Variants in PRIM2 observed in about 807,000 individuals in gnomAD.
PRIM2 encodes the protein DNA primase subunit 2.
A neutral mutation model predicts 67.3 loss-of-function variants in PRIM2; 39 were observed. That is an observed-to-expected ratio of 0.58 (90% CI 0.45 to 0.76). PRIM2 has a LOEUF of 0.76. Among genes scored for constraint, PRIM2 ranks in the 30% least tolerant of loss-of-function variants. The pLI is 0.00. For synonymous variants in PRIM2, 143 were observed against 198.7 expected (o/e 0.72, Z 2.36); for missense variants, 398 against 598.7 (o/e 0.66, Z 3.50).
chr6:57,611,237 T>TTACTGCAAATAC (rs1478586670), intron 12 of PRIM2, among the ~76,000 whole-genome samples: 1 of 152,170 alleles, frequency 6.6e-6, no homozygotes, highest in African/African-American at 2.4e-5. Context: ...ATTGTGGCTT[T>TTACTGCAAATAC]TACTGCAAAT....
intron 12 of PRIM2, among the ~76,000 whole-genome samples, chr6:57,607,418 CT>C (rs1776584387): frequency 6.6e-6 from 1 of 152,020 alleles, no homozygotes; most frequent in South Asian, 2.1e-4. Context: ...CATAGACTGT[CT>C]TGGGTCTTCT....
chr6:57,264,293 T>C, the PRIM2 span, among the ~76,000 whole-genome samples: 1 of 152,218 alleles, frequency 6.6e-6, no homozygotes, highest in East Asian at 1.9e-4. Context: ...TTAGTGTGTA[T>C]TTATAATGAC....
chr6:57,509,180 T>C (rs1774309207), intron 8 of PRIM2, among the ~76,000 whole-genome samples: 1 of 151,622 alleles, frequency 6.6e-6, no homozygotes, highest in African/African-American at 2.4e-5. Flanking sequence ...TTAACCTTTG[T>C]ATAATTGTTT....
At position 57,411,032 on chromosome 6, in the gene PRIM2, T is replaced by A. The variant is rs575424613; in HGVS notation, c.693+28864T>A. Among the ~76,000 whole-genome samples, 3 of 151,984 alleles carry A rather than the reference T, an allele frequency of 2.0e-5. No homozygotes were observed. In the East Asian group the frequency reaches 5.8e-4, roughly 30 times the overall value. On this transcript the variant is annotated intron_variant, in intron 7 of 13. Coordinates refer to ENST00000615550, the MANE Select transcript of PRIM2 (RefSeq NM_000947.5). ...TGGAGATGGGGCCTGGTGGGAGGTG[T>A]TTGGATCATGCGGGCAGATCTCTCA...
At chr6:57,450,225 T>G (rs1354109665) in intron 7 of PRIM2, among the ~76,000 whole-genome samples, 1 of 152,184 alleles carries the variant, frequency 6.6e-6, no homozygotes, top group Non-Finnish European at 1.5e-5. Flanking sequence ...CTTTATAGAT[T>G]TGTAAAAATG....
At chr6:57,485,010 A>T in intron 7 of PRIM2, among the ~76,000 whole-genome samples, 1 of 152,214 alleles carries the variant, frequency 6.6e-6, no homozygotes, top group East Asian at 1.9e-4. Flanking sequence ...AAGTACTCAA[A>T]AAAGTACTGT....
rs1769972321 is a variant in PRIM2 at position 57,381,967 on chromosome 6, T to C, written c.556-64T>C. 1.3e-5 allele frequency: 19 copies of C among 1,508,002 alleles called. No homozygotes were observed. In the South Asian group the frequency reaches 2.3e-4, roughly 18 times the overall value. The allele number at this position is 1,508,002 out of a possible 1,614,324, so 93.4% of individuals were successfully genotyped here. Reference sequence around the variant, plus strand: ...TTTCTTTGTTTATACTTTATACATATGAAGACTTAGGATTTCTTAATGACA... The same window carrying C: ...TTTCTTTGTTTATACTTTATACATACGAAGACTTAGGATTTCTTAATGACA... On this transcript the variant is annotated intron_variant, in intron 6 of 13. Transcript: ENST00000615550.
chr6:57,507,261 A>G, intron 7 of PRIM2, 126 bp from the exon 8 acceptor site: 1 of 864,350 alleles, frequency 1.2e-6, no homozygotes, highest in African/African-American at 1.7e-5. Context: ...GAAAAAAGAG[A>G]AATAGAACCT....
chr6:57,427,674 TTA>T (rs1211813947), intron 7 of PRIM2, among the ~76,000 whole-genome samples: 2 of 152,184 alleles, frequency 1.3e-5, no homozygotes, highest in African/African-American at 4.8e-5. Context: ...GTCATTTGTA[TTA>T]TAGTGATAAT....
chr6:57,476,810 C>T (rs1429302319), intron 7 of PRIM2, among the ~76,000 whole-genome samples: 41 of 151,954 alleles, frequency 2.7e-4, no homozygotes, highest in African/African-American at 8.9e-4. Flanking sequence ...TGCAATGGTG[C>T]GATCTCGGCT....
the PRIM2 span, among the ~76,000 whole-genome samples, chr6:57,256,480 A>G: frequency 5.9e-5 from 9 of 152,346 alleles, no homozygotes; most frequent in East Asian, 1.7e-3. Context: ...CGTAAGTCAC[A>G]TTATTATAAA....
chr6:57,436,389 G>A (rs1415143237), intron 7 of PRIM2, among the ~76,000 whole-genome samples: 1 of 152,176 alleles, frequency 6.6e-6, no homozygotes, highest in Non-Finnish European at 1.5e-5. Context: ...AACTGCAGAT[G>A]CCATCAATCA....
chr6:57,367,323 AT>A (rs1016727332), intron 5 of PRIM2, among the ~76,000 whole-genome samples: 1 of 151,984 alleles, frequency 6.6e-6, no homozygotes, highest in African/African-American at 2.4e-5. Flanking sequence ...TCCAATTAAA[AT>A]TTTTTCCTAT....
At chr6:57,261,781 C>T in the PRIM2 span, among the ~76,000 whole-genome samples, 3 of 152,204 alleles carry the variant, frequency 2.0e-5, no homozygotes, top group Admixed American at 6.5e-5. Flanking sequence ...GGAGCCACCT[C>T]TCTGGAAGGC....
At chr6:57,292,749 T>C in the PRIM2 span, among the ~76,000 whole-genome samples, 3 of 152,208 alleles carry the variant, frequency 2.0e-5, no homozygotes, top group Admixed American at 2.0e-4. Flanking sequence ...AAGGGTTCCC[T>C]ATTTAATAAA....
At chr6:57,570,005 G>C (rs1775832386) in intron 10 of PRIM2, among the ~76,000 whole-genome samples, 1 of 152,174 alleles carries the variant, frequency 6.6e-6, no homozygotes, top group African/African-American at 2.4e-5. Flanking sequence ...GCCTCCCAAA[G>C]TGCTGGGATT....
intron 13 of PRIM2, among the ~76,000 whole-genome samples, chr6:57,640,941 CA>C (rs1307982833): frequency 1.4e-5 from 2 of 147,610 alleles, no homozygotes; most frequent in African/African-American, 2.5e-5. Context: ...AGCAAAAAAA[CA>C]AAAAAAAAAC....
the PRIM2 span, among the ~76,000 whole-genome samples, chr6:57,238,813 C>T: frequency 6.6e-6 from 1 of 152,138 alleles, no homozygotes; most frequent in African/African-American, 2.4e-5. Flanking sequence ...TGAGAGACCG[C>T]TAGCAAGACT....
the PRIM2 span, among the ~76,000 whole-genome samples, chr6:57,288,458 C>T: frequency 6.6e-6 from 1 of 152,146 alleles, no homozygotes; most frequent in Non-Finnish European, 1.5e-5. Context: ...CCCGGCACAG[C>T]GTTCAAGCTT....
Sources: allele counts gnomAD v4.1 joint callset (sites outside exome capture counted in the v4.1 genomes callset), GRCh38; gene constraint gnomAD v4.1.1; transcripts MANE v1.5; gene names NCBI Gene and HGNC (gene_info 2026-07-23, HGNC 2026-07-21).